The following PGM1 variants were observed in gnomAD, a reference collection of about 807,000 sequenced individuals.
The protein encoded by PGM1 is phosphoglucomutase-1.
PGM1 carries 52 observed loss-of-function variants against 55.6 expected under a neutral mutation model. The ratio of observed to expected loss-of-function variants is 0.94; its 90% CI spans 0.75 to 1.18. The LOEUF (loss-of-function observed/expected upper bound fraction) is 1.18, where lower values mean the gene tolerates loss of function less well. Among genes scored for constraint, PGM1 ranks in the 50% most tolerant of loss-of-function variants. PGM1 has a pLI of 0.00. For missense variants in PGM1, 724 were observed against 729.3 expected (o/e 0.99, Z 0.08); for synonymous variants, 287 against 271.7 (o/e 1.06, Z -0.55).
chr1:63,604,550 A>G (rs772515578), intron 1 of PGM1, among the ~76,000 whole-genome samples: 5 of 152,166 alleles, frequency 3.3e-5, no homozygotes, highest in Non-Finnish European at 5.9e-5. Flanking sequence ...CATGCAGGCC[A>G]CATTTACTTG....
At chr1:63,642,945 A>T (rs1342657246) in intron 7 of PGM1, among the ~76,000 whole-genome samples, 1 of 152,192 alleles carries the variant, frequency 6.6e-6, no homozygotes, top group Non-Finnish European at 1.5e-5. Context: ...CATGGTGAAC[A>T]AGGCCTTCTC....
rs116016851 is a variant in PGM1, at chr1:63,638,424, T to C, written c.1029-261T>C. Among the ~76,000 whole-genome samples the C allele has an allele frequency of 5.7e-3, 869 of 152,354 alleles. 7 individuals are homozygous for C. Among genetic ancestry groups the C allele is most frequent in the African/African-American group, 0.02 (811 of 41,574 alleles). Reference sequence around the variant, plus strand: ...GCTTAAACAGCAGCCCTGAACATTTTACTACGGATGCTTCTTCTAAAATAT... The same window carrying C: ...GCTTAAACAGCAGCCCTGAACATTTCACTACGGATGCTTCTTCTAAAATAT... On this transcript the variant is annotated intron_variant, in intron 6 of 10. Transcript: ENST00000371084.
chr1:63,623,863 A>C, intron 1 of PGM1: 1 of 721,996 alleles, frequency 1.4e-6, no homozygotes, highest in Non-Finnish European at 2.2e-6. Context: ...ATACACTTCA[A>C]TTCTACTAAC....
intron 1 of PGM1, among the ~76,000 whole-genome samples, chr1:63,603,114 A>G (rs1230675467): frequency 6.6e-6 from 1 of 152,106 alleles, no homozygotes; most frequent in South Asian, 2.1e-4. Flanking sequence ...TTTGTTTCAT[A>G]CTCTGCAAGG....
At chr1:63,636,451 C>A in intron 6 of PGM1, 63 bp downstream of exon 6, 1 of 1,489,096 alleles carries the variant, frequency 6.7e-7, no homozygotes, top group Non-Finnish European at 9.4e-7. Context: ...CCATACCCTT[C>A]ACTGTGCCTG....
chr1:63,656,212 A>G (rs930740058), intron 10 of PGM1, among the ~76,000 whole-genome samples: 1 of 152,214 alleles, frequency 6.6e-6, no homozygotes, highest in Non-Finnish European at 1.5e-5. Flanking sequence ...GGAAATGAAA[A>G]TCAAAACCAC....
chr1:63,647,306 A>T (rs1360298175), intron 7 of PGM1, among the ~76,000 whole-genome samples: 1 of 134,684 alleles, frequency 7.4e-6, no homozygotes, highest in Non-Finnish European at 1.6e-5. Context: ...ATATATATAT[A>T]TAGTATTAAA....
chr1:63,622,592 A>C (rs934221700), intron 1 of PGM1, among the ~76,000 whole-genome samples: 5 of 151,950 alleles, frequency 3.3e-5, no homozygotes, highest in African/African-American at 1.2e-4. Flanking sequence ...ACATATGTAT[A>C]TTTTTTCCGT....
At chr1:63,632,838 C>G (rs1570497039) in intron 4 of PGM1, among the ~76,000 whole-genome samples, 1 of 152,052 alleles carries the variant, frequency 6.6e-6, no homozygotes, top group African/African-American at 2.4e-5. Flanking sequence ...TGGTGAAACC[C>G]CATCTCTATA....
At chr1:63,594,056 C>G (rs1488542727) in intron 1 of PGM1, 1 of 1,083,652 alleles carries the variant, frequency 9.2e-7, no homozygotes, top group African/African-American at 1.7e-5. Flanking sequence ...CGTCCCCCGC[C>G]CCTCCCGAGG....
intron 10 of PGM1, chr1:63,656,053 AAG>A (rs1649956324): frequency 6.6e-6 from 1 of 152,244 alleles, no homozygotes; most frequent in Non-Finnish European, 1.5e-5. Flanking sequence ...TCTCTAAAAA[AAG>A]AAAAGGAAAG....
At chr1:63,608,123 T>G (rs1648472183) in intron 1 of PGM1, among the ~76,000 whole-genome samples, 1 of 136,884 alleles carries the variant, frequency 7.3e-6, no homozygotes, top group Non-Finnish European at 1.6e-5. Flanking sequence ...GAGATAATGC[T>G]AATTGAGATG....
chr1:63,608,245 T>A (rs855302), intron 1 of PGM1, among the ~76,000 whole-genome samples: 6 of 152,124 alleles, frequency 3.9e-5, no homozygotes, highest in Non-Finnish European at 7.4e-5. Context: ...AGGCAGAGTC[T>A]GGCATTCTGC....
At chr1:63,632,921 G>A (rs1649235537) in intron 4 of PGM1, among the ~76,000 whole-genome samples, 1 of 152,152 alleles carries the variant, frequency 6.6e-6, no homozygotes, top group Non-Finnish European at 1.5e-5. Context: ...TACTCAGGAG[G>A]CTGAGGCAGG....
chr1:63,652,648 C>A (rs918474010), intron 9 of PGM1, among the ~76,000 whole-genome samples: 2 of 152,160 alleles, frequency 1.3e-5, no homozygotes, highest in African/African-American at 4.8e-5. Context: ...GTTACAACCT[C>A]CCAGTTTACT....
chr1:63,623,374 T>A, intron 1 of PGM1: 2 of 1,534,820 alleles, frequency 1.3e-6, no homozygotes, highest in Non-Finnish European at 1.7e-6. Context: ...TACGACACTG[T>A]TGCAGCTTCA....
intron 1 of PGM1, among the ~76,000 whole-genome samples, chr1:63,597,547 C>T (rs1648113909): frequency 6.6e-6 from 1 of 152,188 alleles, no homozygotes; most frequent in South Asian, 2.1e-4. Context: ...TCAACAGCCT[C>T]AACCAATATA....
chr1:63,636,379 C>G lies in PGM1; in HGVS notation c.1019C>G (p.Ala340Gly). 6.2e-7 allele frequency: 1 copy of G among 1,614,038 alleles called. No individual in the cohort carries two copies. Among genetic ancestry groups the G allele is most frequent in the African/African-American group, 1.3e-5 (1 of 75,044 alleles). Residue 340 changes from alanine to glycine, a missense_variant, in exon 6 of 11, where the codon GCT (alanine) becomes GGT (glycine). Physicochemically the swap from Ala to Gly is moderately conservative, Grantham distance 60. This residue lies in a region of PGM1 where 316 missense variants were observed against 313.1 expected (regional missense o/e 1.01). Transcript: ENST00000371084. ...GFARSMPTSG[A>G]LDRVASATKI... ...GCACGGAGCATGCCCACGAGTGGTGCTCTGGACCGGTAGGTGTCTCCATTC... is the reference window on the plus strand; with the variant it reads ...GCACGGAGCATGCCCACGAGTGGTGGTCTGGACCGGTAGGTGTCTCCATTC...
intron 1 of PGM1, among the ~76,000 whole-genome samples, chr1:63,628,948 G>A (rs1176089589): frequency 6.6e-6 from 1 of 152,146 alleles, no homozygotes; most frequent in African/African-American, 2.4e-5. Flanking sequence ...CAATAATCTT[G>A]ATATAAAATT....
Sources: allele counts gnomAD v4.1 joint callset (sites outside exome capture counted in the v4.1 genomes callset), GRCh38; gene constraint gnomAD v4.1.1; regional missense constraint gnomAD v4.1.1; transcripts MANE v1.5; gene names NCBI Gene and HGNC (gene_info 2026-07-23, HGNC 2026-07-21).